The following KDM4B variants were observed in gnomAD, a reference collection of about 807,000 sequenced individuals.
KDM4B encodes lysine demethylase 4B.
Under a neutral mutation model 125.2 loss-of-function variants are expected in KDM4B, and 32 were observed. That is an observed-to-expected ratio of 0.26 (90% CI 0.19 to 0.34). The LOEUF (loss-of-function observed/expected upper bound fraction) is 0.34. Among genes scored for constraint, KDM4B ranks in the 10% least tolerant of loss-of-function variants. The pLI is 1.00. For synonymous variants in KDM4B, 721 were observed against 677.9 expected (o/e 1.06, Z -0.99); for missense variants, 1,190 against 1,577.7 (o/e 0.75, Z 4.16).
At chr19:5,118,064 G>C (rs888774273) in intron 10 of KDM4B, among the ~76,000 whole-genome samples, 1 of 152,152 alleles carries the variant, frequency 6.6e-6, no homozygotes, top group African/African-American at 2.4e-5. Flanking sequence ...TCCCGAGGGA[G>C]CATGGGCTGC....
intron 1 of KDM4B, among the ~76,000 whole-genome samples, chr19:5,002,812 A>G (rs1460522933): frequency 6.6e-6 from 1 of 152,006 alleles, no homozygotes; most frequent in African/African-American, 2.4e-5. Flanking sequence ...TTAGCCAGGC[A>G]TAGTGGTGTA....
chr19:5,077,385 C>T lies in KDM4B; in HGVS notation c.695C>T (p.Ser232Leu). ...RLAIGFFPGSSQGCDAFLRHK... is the reference protein window; with the variant it reads ...RLAIGFFPGSLQGCDAFLRHK... ...GCCCTAGGCTTCTTCCCCGGGAGCT[C>T]GCAGGGCTGCGACGCCTTCCTGCGG... Residue 232 changes from serine to leucine, a missense_variant, in exon 8 of 23, where the codon TCG (serine) becomes TTG (leucine). Ser to Leu is a moderately radical substitution (Grantham distance 145, BLOSUM62 -2). Around this residue, in one of 7 missense-constraint regions of KDM4B, gnomAD observed 75 missense variants for 218.2 expected, o/e 0.34. Coordinates refer to ENST00000159111, the MANE Select transcript of KDM4B (RefSeq NM_015015.3). 3 of 1,613,092 alleles carry T rather than the reference C, an allele frequency of 1.9e-6. No individual in the cohort carries two copies. The highest frequency in any genetic ancestry group is 2.5e-6 in the Non-Finnish European group (3 of 1,179,960).
chr19:4,970,237 T>C (rs1343423974), intron 1 of KDM4B, among the ~76,000 whole-genome samples: 1 of 152,224 alleles, frequency 6.6e-6, no homozygotes, highest in Admixed American at 6.5e-5. Context: ...AGGCATGGAC[T>C]GCTTTTGGGT....
At chr19:5,049,906 A>AG (rs1287401836) in intron 6 of KDM4B, among the ~76,000 whole-genome samples, 6 of 151,864 alleles carry the variant, frequency 4.0e-5, no homozygotes, top group Admixed American at 3.9e-4. Flanking sequence ...CCCAACTTGC[A>AG]GGGGGGTGGG....
In KDM4B at chr19:5,029,085, A is replaced by AT. The variant is rs534460240; in HGVS notation, c.-25-3775dup. Among the ~76,000 whole-genome samples the AT allele has an allele frequency of 3.0e-4, 45 of 152,094 alleles. No homozygotes were observed. In the South Asian group the frequency reaches 8.5e-3, roughly 29 times the overall value. On this transcript the variant is annotated intron_variant, in intron 2 of 22. Coordinates refer to ENST00000159111, the MANE Select transcript of KDM4B (RefSeq NM_015015.3). ...ACCGCCACACCTGGCTAATTTTTGT[A>AT]TTTTTTATAGAGACGGAGTCTCACT...
At chr19:5,032,566 A>G (rs2036492133) in intron 2 of KDM4B, among the ~76,000 whole-genome samples, 1 of 151,676 alleles carries the variant, frequency 6.6e-6, no homozygotes, top group South Asian at 2.1e-4. Context: ...TGATACGTAA[A>G]CCTTTCTCTC....
intron 6 of KDM4B, among the ~76,000 whole-genome samples, chr19:5,053,970 C>T (rs746974807): frequency 7.9e-5 from 12 of 152,264 alleles, no homozygotes; most frequent in Non-Finnish European, 1.3e-4. Context: ...GAAGCTCCTT[C>T]GTGGTCACCT....
At chr19:4,991,075 G>C (rs1005806465) in intron 1 of KDM4B, among the ~76,000 whole-genome samples, 3 of 152,182 alleles carry the variant, frequency 2.0e-5, no homozygotes, top group Admixed American at 2.0e-4. Flanking sequence ...CTGAGATTGT[G>C]CCGCTGCACT....
At chr19:5,023,633 C>T (rs1286091046) in intron 2 of KDM4B, among the ~76,000 whole-genome samples, 1 of 152,136 alleles carries the variant, frequency 6.6e-6, no homozygotes, top group Non-Finnish European at 1.5e-5. Context: ...GCCCAGCCCT[C>T]CTGGGACAGG....
chr19:5,003,286 C>T (rs775929015), intron 1 of KDM4B, among the ~76,000 whole-genome samples: 3 of 151,794 alleles, frequency 2.0e-5, no homozygotes, highest in East Asian at 1.9e-4. Context: ...GTCAGGAGTT[C>T]GAGACCAGCC....
chr19:5,000,642 C>T (rs1367178562), intron 1 of KDM4B, among the ~76,000 whole-genome samples: 1 of 152,192 alleles, frequency 6.6e-6, no homozygotes, highest in African/African-American at 2.4e-5. Flanking sequence ...GTCTCAAAGA[C>T]ATACAGTCCC....
Position 5,035,880 on chromosome 19 carries a change from T to TGTGTGTGTGTGTGTGTGTGCGCGC in KDM4B, c.141+2850_141+2851insTGTGTGTGTGTGTGTGTGCGCGCG, listed in dbSNP as rs58219404. 8.1e-5 allele frequency among the ~76,000 whole-genome samples: 11 copies of TGTGTGTGTGTGTGTGTGTGCGCGC among 136,504 alleles called. No homozygotes were observed. Among genetic ancestry groups the TGTGTGTGTGTGTGTGTGTGCGCGC allele is most frequent in the African/African-American group, 2.9e-4 (11 of 37,904 alleles). The allele number at this position is 136,504 out of a possible 152,430, so 89.6% of individuals were successfully genotyped here. A position where few individuals can be genotyped will look rare whatever the true frequency, so the allele number is the denominator to read the frequency against. ...ACGTGTCTCTGTGTGTGTGTGTGTG[T>TGTGTGTGTGTGTGTGTGTGCGCGC]GCGCGCGCGCGCGCGCCTGCGCGCA... On this transcript the variant is annotated intron_variant, in intron 3 of 22. Transcript: ENST00000159111. This position sits in a 1 kb window ranked among gnomAD's most constrained non-coding sequence, Gnocchi z 5.3.
chr19:5,023,673 G>A (rs2036191458), intron 2 of KDM4B, among the ~76,000 whole-genome samples: 1 of 152,292 alleles, frequency 6.6e-6, no homozygotes, highest in East Asian at 1.9e-4. Context: ...TGGGACAAGA[G>A]GACGAGGGCT....
chr19:4,975,593 A>T (rs1216306783), intron 1 of KDM4B, among the ~76,000 whole-genome samples: 2 of 138,316 alleles, frequency 1.4e-5, no homozygotes, highest in Non-Finnish European at 3.1e-5. Flanking sequence ...GAGTGAATGA[A>T]TTTTTTTTTT....
intron 1 of KDM4B, among the ~76,000 whole-genome samples, chr19:4,976,110 G>A (rs4807673): frequency 0.27 from 40,638 of 151,144 alleles, 6,463 homozygotes; most frequent in East Asian, 0.68. Flanking sequence ...TTAGTTGGGC[G>A]TGGTGGTGTA....
At chr19:5,074,325 C>G (rs1026794505) in intron 7 of KDM4B, 4 of 152,282 alleles carry the variant, frequency 2.6e-5, no homozygotes, top group East Asian at 1.9e-4. Context: ...CCCGACCCCC[C>G]TTGTGTTCCT....
chr19:5,021,961 G>A (rs1027450434), intron 2 of KDM4B, among the ~76,000 whole-genome samples: 5 of 152,100 alleles, frequency 3.3e-5, no homozygotes, highest in Non-Finnish European at 5.9e-5. Context: ...GACTTGGCAC[G>A]CATTTTTTGT....
Position 5,151,774 on chromosome 19 carries a change from T to G in KDM4B, c.*263T>G. 1 of 371,322 alleles carries G rather than the reference T, an allele frequency of 2.7e-6. No individual in the cohort carries two copies. 23.0% of individuals were successfully genotyped at this position (371,322 alleles called of 1,614,324 possible). ...GAATTTTAAACCATGTAAGCTCTCT[T>G]CTTCTCGAAAAGGTGCTACTGCAAT... On this transcript the variant is annotated 3_prime_UTR_variant, in exon 23 of 23. Coordinates refer to ENST00000159111, the MANE Select transcript of KDM4B (RefSeq NM_015015.3).
Position 5,142,463 on chromosome 19 carries a change from T to TAG in KDM4B, c.2551-1504_2551-1503insAG, listed in dbSNP as rs2039762466. ...GTCCCATGGGTCCGGGGGCACGCTT[T>TAG]TCACAACGTGGAGATGCAGGGTCAT... is the stretch of plus-strand genomic sequence containing the variant. On this transcript the variant is annotated intron_variant, in intron 18 of 22. Coordinates refer to ENST00000159111, the MANE Select transcript of KDM4B (RefSeq NM_015015.3). This position sits in a 1 kb window ranked among gnomAD's most constrained non-coding sequence, Gnocchi z 5.4. 6.6e-6 allele frequency among the ~76,000 whole-genome samples: 1 copy of TAG among 152,176 alleles called. No homozygotes were observed. The highest frequency in any genetic ancestry group is 1.5e-5 in the Non-Finnish European group (1 of 68,016).
Sources: gnomAD v4.1 joint callset for allele counts (sites outside exome capture counted in the v4.1 genomes callset) on GRCh38, gnomAD v4.1.1 for gene constraint, gnomAD v4.1.1 regional missense constraint, Gnocchi (gnomAD v3.1) non-coding constraint, MANE v1.5 for transcripts, NCBI Gene and HGNC (gene_info 2026-07-23, HGNC 2026-07-21) for gene names.